DAB1: variants seen among roughly 807,000 people sequenced by gnomAD.
DAB1 encodes the protein disabled homolog 1.
Under a neutral mutation model 64.6 loss-of-function variants are expected in DAB1, and 15 were observed. The ratio of observed to expected loss-of-function variants is 0.23; its 90% CI spans 0.16 to 0.36. The LOEUF is 0.36. Among genes scored for constraint, DAB1 ranks in the 10% least tolerant of loss-of-function variants. The probability of loss-of-function intolerance (pLI) is 1.00; values close to 1 mark genes in which losing one functional copy is unlikely to be tolerated. For missense variants in DAB1, 596 were observed against 706.7 expected, an observed-to-expected ratio of 0.84 and a Z score of 1.78; for synonymous variants, 235 against 251.9, an observed-to-expected ratio of 0.93 and a Z score of 0.64.
intron 7 of DAB1, among the ~76,000 whole-genome samples, chr1:57,512,982 G>T (rs1374547740): frequency 6.6e-6 from 1 of 152,144 alleles, no homozygotes; most frequent in Non-Finnish European, 1.5e-5. Flanking sequence ...TCTCACTTCT[G>T]TGCCAGGCTT....
At chr1:58,402,220 C>T (rs1056911505) in intron 3 of DAB1, among the ~76,000 whole-genome samples, 2 of 152,236 alleles carry the variant, frequency 1.3e-5, no homozygotes, top group African/African-American at 2.4e-5. Context: ...CTGCCAGCCA[C>T]AGGACCAGCC....
chr1:57,770,776 T>C (rs573723197), intron 6 of DAB1, among the ~76,000 whole-genome samples: 4 of 152,128 alleles, frequency 2.6e-5, no homozygotes, highest in Admixed American at 2.6e-4. Flanking sequence ...TAAACAACTA[T>C]TGGCACTTAC....
At chr1:57,903,827 A>G (rs1260469166) in intron 5 of DAB1, among the ~76,000 whole-genome samples, 1 of 152,174 alleles carries the variant, frequency 6.6e-6, no homozygotes, top group Non-Finnish European at 1.5e-5. Flanking sequence ...GAAAATCTTT[A>G]CCAGAGGACG....
At chr1:57,004,735 A>T (rs1646002134) in intron 14 of DAB1, among the ~76,000 whole-genome samples, 1 of 152,198 alleles carries the variant, frequency 6.6e-6, no homozygotes. Context: ...GGCTAAAATA[A>T]CTCAAAGTTC....
intron 6 of DAB1, among the ~76,000 whole-genome samples, chr1:57,663,149 G>T (rs1403394758): frequency 6.6e-6 from 1 of 152,270 alleles, no homozygotes; most frequent in East Asian, 1.9e-4. Flanking sequence ...TGAAGGCGAA[G>T]GAGAAGCAGC....
chr1:58,230,389 A>C (rs1236300866), intron 4 of DAB1, among the ~76,000 whole-genome samples: 1 of 152,132 alleles, frequency 6.6e-6, no homozygotes, highest in East Asian at 1.9e-4. Context: ...CAATCTCCAC[A>C]TCTCTCGAGA....
chr1:58,274,904 C>CCT, intron 4 of DAB1, among the ~76,000 whole-genome samples: 1 of 152,050 alleles, frequency 6.6e-6, no homozygotes, highest in South Asian at 2.1e-4. Flanking sequence ...CGCCCACTGT[C>CCT]TGGCACTCCC....
At chr1:58,143,792 T>A (rs1654442106) in intron 5 of DAB1, among the ~76,000 whole-genome samples, 1 of 152,170 alleles carries the variant, frequency 6.6e-6, no homozygotes, top group African/African-American at 2.4e-5. Flanking sequence ...CAAGAAAGAC[T>A]CCTAGTTTCA....
At chr1:57,591,668 A>T (rs138743609) in intron 7 of DAB1, among the ~76,000 whole-genome samples, 255 of 152,378 alleles carry the variant, frequency 1.7e-3, no homozygotes, top group Admixed American at 2.3e-3. Context: ...ACTTCACAGC[A>T]TCACTATTAG....
intron 5 of DAB1, among the ~76,000 whole-genome samples, chr1:57,958,781 C>G (rs901385373): frequency 2.6e-5 from 4 of 152,110 alleles, no homozygotes; most frequent in African/African-American, 9.7e-5. Flanking sequence ...GATTTTTGTC[C>G]TCTTTCTATG....
chr1:57,175,929 C>T (rs1016692602), intron 2 of DAB1, among the ~76,000 whole-genome samples: 7 of 152,122 alleles, frequency 4.6e-5, no homozygotes, highest in Non-Finnish European at 1.0e-4. Flanking sequence ...TGGTTAAAAG[C>T]ATTATAGCAT....
chr1:57,333,255 G>A (rs1447810515), intron 1 of DAB1, among the ~76,000 whole-genome samples: 1 of 152,218 alleles, frequency 6.6e-6, no homozygotes, highest in Non-Finnish European at 1.5e-5. Flanking sequence ...GAGAAGGAAA[G>A]AGGGAGGAGA....
At chr1:57,275,220 C>T (rs567314642) in intron 2 of DAB1, among the ~76,000 whole-genome samples, 57 of 152,208 alleles carry the variant, frequency 3.7e-4, no homozygotes, top group African/African-American at 1.3e-3. Context: ...TTCCAGTAGA[C>T]CTGGCCTAAA....
At chr1:57,399,692 A>G (rs538919976) in intron 1 of DAB1, among the ~76,000 whole-genome samples, 1 of 152,352 alleles carries the variant, frequency 6.6e-6, no homozygotes, top group African/African-American at 2.4e-5. Context: ...TGAGACTGAT[A>G]GAAGTAAAGT....
chr1:58,129,844 T>G (rs557201404), intron 5 of DAB1, among the ~76,000 whole-genome samples: 36 of 151,124 alleles, frequency 2.4e-4, no homozygotes, highest in East Asian at 7.8e-4. Flanking sequence ...ATTTCTGTTC[T>G]TTTACATTTG....
rs1199644969 is a variant in DAB1, at chr1:56,996,285, C to T, written c.*1859G>A. ...TAAAAACCAAATAATAATAATTATC[C>T]TCAAATCCAATTAATCACATGAATC... On this transcript the variant is annotated 3_prime_UTR_variant, in exon 15 of 15. Coordinates refer to ENST00000371236, the MANE Select transcript of DAB1 (RefSeq NM_001365792.1). 1 of 152,122 alleles carries T rather than the reference C, an allele frequency of 6.6e-6. No homozygotes were observed. Among genetic ancestry groups the T allele is most frequent in the African/African-American group, 2.4e-5 (1 of 41,412 alleles). The allele number at this position is 152,122 out of a possible 1,614,324, so 9.4% of individuals were successfully genotyped here.
At chr1:57,791,522 T>A (rs1650598208) in intron 6 of DAB1, among the ~76,000 whole-genome samples, 1 of 152,228 alleles carries the variant, frequency 6.6e-6, no homozygotes, top group Admixed American at 6.5e-5. Context: ...CTAGGTCTGC[T>A]ACTTACCGTG....
chr1:57,048,471 G>A (rs1277560081), intron 9 of DAB1, among the ~76,000 whole-genome samples: 5 of 152,136 alleles, frequency 3.3e-5, no homozygotes, highest in Admixed American at 6.5e-5. Context: ...CCCAGAGAGC[G>A]GTCTTCCAAT....
chr1:57,831,836 C>A (rs888510803), intron 1 of DAB1, among the ~76,000 whole-genome samples: 5 of 152,108 alleles, frequency 3.3e-5, no homozygotes, highest in African/African-American at 9.6e-5. Flanking sequence ...AGTCACCATG[C>A]CCATTTTCTT....
Sources: allele counts gnomAD v4.1 joint callset (sites outside exome capture counted in the v4.1 genomes callset), GRCh38; gene constraint gnomAD v4.1.1; transcripts MANE v1.5; gene names NCBI Gene and HGNC (gene_info 2026-07-23, HGNC 2026-07-21).